CDC73: variants seen among roughly 807,000 people sequenced by gnomAD.
The protein encoded by CDC73 is cell division cycle 73, also known as parafibromin.
Under a neutral mutation model 83.7 loss-of-function variants are expected in CDC73, and 21 were observed. The ratio of observed to expected loss-of-function variants is 0.25; its 90% CI spans 0.18 to 0.36. The LOEUF is 0.36. Among genes scored for constraint, CDC73 ranks in the 10% least tolerant of loss-of-function variants. The pLI is 1.00. For synonymous variants in CDC73, 224 were observed against 212.9 expected, an observed-to-expected ratio of 1.05 and a Z score of -0.45; for missense variants, 342 against 653.3, an observed-to-expected ratio of 0.52 and a Z score of 5.19.
chr1:193,188,760 G>T (rs540031688), intron 10 of CDC73, among the ~76,000 whole-genome samples: 1 of 152,120 alleles, frequency 6.6e-6, no homozygotes, highest in East Asian at 1.9e-4. Context: ...GTATTCATTA[G>T]TGGGTCCCTC....
At chr1:193,227,806 G>C (rs942903539) in intron 13 of CDC73, among the ~76,000 whole-genome samples, 1 of 152,164 alleles carries the variant, frequency 6.6e-6, no homozygotes, top group African/African-American at 2.4e-5. Context: ...TATATTGATA[G>C]GCCAGAGGTG....
intron 10 of CDC73, among the ~76,000 whole-genome samples, chr1:193,202,195 C>T (rs1482665263): frequency 6.7e-6 from 1 of 149,050 alleles, no homozygotes; most frequent in Non-Finnish European, 1.5e-5. Context: ...TGATTATCCG[C>T]TGGCTTCTGA....
chr1:193,166,886 A>AATG (rs1223976721), intron 10 of CDC73, among the ~76,000 whole-genome samples: 1 of 152,074 alleles, frequency 6.6e-6, no homozygotes, highest in Non-Finnish European at 1.5e-5. Context: ...TGACAAGTAC[A>AATG]ATGCATGATA....
chr1:193,204,538 C>T (rs1677154788), intron 11 of CDC73, among the ~76,000 whole-genome samples: 1 of 151,990 alleles, frequency 6.6e-6, no homozygotes, highest in Non-Finnish European at 1.5e-5. Context: ...ATCCGCCCGC[C>T]TCGGCCTCCC....
chr1:193,148,803 C>A (rs1676054251), intron 8 of CDC73, among the ~76,000 whole-genome samples: 1 of 151,588 alleles, frequency 6.6e-6, no homozygotes, highest in African/African-American at 2.4e-5. Flanking sequence ...TGCCACCCCA[C>A]CCAGCTAATT....
At chr1:193,145,735 A>G (rs1476762829) in intron 7 of CDC73, among the ~76,000 whole-genome samples, 1 of 152,222 alleles carries the variant, frequency 6.6e-6, no homozygotes, top group Non-Finnish European at 1.5e-5. Context: ...TTGCTGCTCC[A>G]GAGAATTATA....
chr1:193,130,966 T>G (rs1309576246), intron 3 of CDC73, among the ~76,000 whole-genome samples: 1 of 152,228 alleles, frequency 6.6e-6, no homozygotes, highest in East Asian at 1.9e-4. Flanking sequence ...TTCTTGAAGT[T>G]TCCAAGACTT....
intron 10 of CDC73, among the ~76,000 whole-genome samples, chr1:193,177,961 A>G (rs916948822): frequency 3.9e-5 from 6 of 152,222 alleles, no homozygotes; most frequent in African/African-American, 1.4e-4. Context: ...CACTTTGAAC[A>G]TAAAGATTAG....
In CDC73 at chr1:193,251,239, C is replaced by A. The variant is rs1678038733; in HGVS notation, c.*527C>A. On this transcript the variant is annotated 3_prime_UTR_variant, in exon 17 of 17. Coordinates refer to ENST00000367435, the MANE Select transcript of CDC73 (RefSeq NM_024529.5). Reference sequence around the variant, plus strand: ...TTATTTAAAAAGAATAATGAAAAATCTAGATCAATTCTTCAATTTGATTGA... The same window carrying A: ...TTATTTAAAAAGAATAATGAAAAATATAGATCAATTCTTCAATTTGATTGA... The A allele has an allele frequency of 4.3e-6, 1 of 232,376 alleles. No individual in the cohort carries two copies. The highest frequency in any genetic ancestry group is 5.6e-5 in the Admixed American group (1 of 17,782). 14.4% of individuals were successfully genotyped at this position (232,376 alleles called of 1,614,324 possible).
In CDC73 at chr1:193,160,244, A is replaced by G. The variant is rs1488836645; in HGVS notation, c.972+7800A>G. On this transcript the variant is annotated intron_variant, in intron 10 of 16. Transcript: ENST00000367435. The stretch of plus-strand genomic sequence containing the variant: ...ATGCCACAATCACAAAACACTTGAG[A>G]TTTATTTTAGAAAGAAAGAAAAGTT... 7.9e-5 allele frequency among the ~76,000 whole-genome samples: 12 copies of G among 152,222 alleles called. No homozygotes were observed. The East Asian group carries it at 2.3e-3, about 29-fold the overall frequency.
intron 10 of CDC73, among the ~76,000 whole-genome samples, chr1:193,171,866 A>G (rs573559523): frequency 3.3e-5 from 5 of 152,298 alleles, no homozygotes; most frequent in African/African-American, 1.2e-4. Context: ...AAAAAGATGT[A>G]TTTGTTAGTG....
chr1:193,211,064 T>G (rs994825048), intron 11 of CDC73, among the ~76,000 whole-genome samples: 1 of 152,200 alleles, frequency 6.6e-6, no homozygotes, highest in Non-Finnish European at 1.5e-5. Flanking sequence ...GCTCTTCTCT[T>G]TTTTGCTAGA....
chr1:193,182,648 A>G (rs938193848), intron 10 of CDC73, among the ~76,000 whole-genome samples: 3 of 152,180 alleles, frequency 2.0e-5, no homozygotes, highest in Non-Finnish European at 4.4e-5. Context: ...TAAAAAGGTT[A>G]TGAGATGGCA....
chr1:193,206,552 G>C (rs1248042443), intron 11 of CDC73, among the ~76,000 whole-genome samples: 4 of 152,188 alleles, frequency 2.6e-5, no homozygotes, highest in Admixed American at 2.0e-4. Flanking sequence ...GTGTAGCCCA[G>C]TTTTGAAGGG....
intron 14 of CDC73, 106 bp from the exon 15 acceptor site, chr1:193,236,150 A>C: frequency 1.3e-6 from 1 of 791,654 alleles, no homozygotes; most frequent in Non-Finnish European, 2.3e-6. Context: ...CTTTCACATG[A>C]ATGTTTATGG....
intron 1 of CDC73, chr1:193,122,602 A>G (rs545046699): frequency 2.7e-5 from 12 of 438,078 alleles, no homozygotes; most frequent in Non-Finnish European, 5.1e-5. Context: ...AATTTTTATC[A>G]GTAGGTATGT....
chr1:193,163,181 G>A (rs1395663156), intron 10 of CDC73, among the ~76,000 whole-genome samples: 1 of 151,548 alleles, frequency 6.6e-6, no homozygotes, highest in East Asian at 1.9e-4. Flanking sequence ...GTGTGTGGGT[G>A]TGTGTGTATA....
At chr1:193,188,666 T>G (rs557829432) in intron 10 of CDC73, among the ~76,000 whole-genome samples, 2 of 152,170 alleles carry the variant, frequency 1.3e-5, no homozygotes, top group East Asian at 3.9e-4. Context: ...TTATTATTCT[T>G]TTGCCAGTTC....
At chr1:193,222,927 G>A (rs1001380956) in intron 13 of CDC73, among the ~76,000 whole-genome samples, 4 of 150,778 alleles carry the variant, frequency 2.7e-5, no homozygotes, top group Non-Finnish European at 5.9e-5. Flanking sequence ...TCATTATTTC[G>A]TTACTTTTAA....
Sources: gnomAD v4.1 joint callset for allele counts (sites outside exome capture counted in the v4.1 genomes callset) on GRCh38, gnomAD v4.1.1 for gene constraint, MANE v1.5 for transcripts, NCBI Gene and HGNC (gene_info 2026-07-23, HGNC 2026-07-21) for gene names.